Variants in RTL1 observed in about 807,000 individuals in gnomAD.
RTL1 encodes the protein retrotransposon Gag like 1, also known as retrotransposon-like protein 1.
For synonymous variants in RTL1, 727 were observed against 748.4 expected (o/e 0.97, Z 0.47); for missense variants, 1,681 against 1,767.5 (o/e 0.95, Z 0.88).
Position 100,881,459 on chromosome 14 carries a change from T to C in RTL1, c.3330A>G (p.Ala1110=), listed in dbSNP as rs761268223. The change falls in exon 4 of 4, where the codon GCA becomes GCG. Residue 1110 remains alanine (A), a synonymous_variant. Transcript: ENST00000649591. This position sits in a 1 kb window ranked among gnomAD's most constrained non-coding sequence, Gnocchi z 6.6. The part of the protein sequence containing the change: ...RVRQCLSLRP[A]PAMRVARPQP... ...GGGGCCGAGCCACCCGCATGGCGGG[T>C]GCCGGCCGCAGCGAGAGGCATTGCC... is the stretch of plus-strand genomic sequence containing the variant. The C allele has an allele frequency of 6.5e-7, 1 of 1,549,484 alleles. No homozygotes were observed. The highest frequency in any genetic ancestry group is 1.4e-5 in the African/African-American group (1 of 72,916).
chr14:100,881,083 G>T lies in RTL1; in HGVS notation c.3706C>A (p.Leu1236Met). Residue 1236 changes from leucine (L) to methionine (M), a missense_variant, in exon 4 of 4, where the codon CTG becomes ATG. Coordinates refer to ENST00000649591, the MANE Select transcript of RTL1 (RefSeq NM_001134888.3). The surrounding 1 kb of genome is among the most constrained non-coding windows in gnomAD (Gnocchi z 6.6). ...CGGTAACGTTGCAGGTCGTCTTGCA[G>T]GGCTTCTCGCAAGACGACATCCTCA... is the stretch of plus-strand genomic sequence containing the variant. ...GDEDVVLREA[L>M]QDDLQRYRQC... 1 of 1,599,282 alleles carries T rather than the reference G, an allele frequency of 6.3e-7. No homozygotes were observed. The highest frequency in any genetic ancestry group is 8.5e-7 in the Non-Finnish European group (1 of 1,173,118).
In RTL1 at chr14:100,893,570, C is replaced by T. The variant is rs1178904976; in HGVS notation, c.-148-65G>A. Among the ~76,000 whole-genome samples, 3 of 152,220 alleles carry T rather than the reference C, an allele frequency of 2.0e-5. No homozygotes were observed. Among genetic ancestry groups the T allele is most frequent in the African/African-American group, 7.2e-5 (3 of 41,458 alleles). On this transcript the variant is annotated intron_variant, in intron 2 of 3. Transcript: ENST00000649591. The surrounding 1 kb of genome is among the most constrained non-coding windows in gnomAD (Gnocchi z 4.2). ...AAGTCCAGTCTTTTTGACATGCGTACATTTTCTACAGTAGCAACCACAGTG... is the reference window on the plus strand; with the variant it reads ...AAGTCCAGTCTTTTTGACATGCGTATATTTTCTACAGTAGCAACCACAGTG...
chr14:100,885,800 T>C (rs921155434), intron 3 of RTL1, among the ~76,000 whole-genome samples: 4 of 152,184 alleles, frequency 2.6e-5, no homozygotes, highest in Non-Finnish European at 4.4e-5. Flanking sequence ...CAAGCATATC[T>C]GCACGCCTCT....
At position 100,892,957 on chromosome 14, in the gene RTL1, C is replaced by T. The variant is rs1013888856; in HGVS notation, c.-87+487G>A. Among the ~76,000 whole-genome samples, 8 of 152,164 alleles carry T rather than the reference C, an allele frequency of 5.3e-5. No individual in the cohort carries two copies. In the South Asian group the frequency reaches 1.0e-3, roughly 20 times the overall value. On this transcript the variant is annotated intron_variant, in intron 3 of 3. Coordinates refer to ENST00000649591, the MANE Select transcript of RTL1 (RefSeq NM_001134888.3). The stretch of plus-strand genomic sequence containing the variant: ...GGGCGAGGTGCTGGCACAAGGCCCC[C>T]GAGAGACAGAGGCAGGGTTTAAAGC...
rs1401226571 is a variant in RTL1 at position 100,882,437 on chromosome 14, G to T, written c.2352C>A (p.Pro784=). 6.4e-7 allele frequency: 1 copy of T among 1,551,942 alleles called. No homozygotes were observed. Among genetic ancestry groups the T allele is most frequent in the East Asian group, 2.4e-5 (1 of 40,924 alleles). The change falls in exon 4 of 4, where the codon CCC becomes CCA. Residue 784 remains proline (P), a synonymous_variant. Coordinates refer to ENST00000649591, the MANE Select transcript of RTL1 (RefSeq NM_001134888.3). ...CGTTCTTGTTCAGTTTCACCCCTTT[G>T]GGGGTGACGACGAAGCCCAGGAATT... ...TVEFLGFVVT[P]KGVKLNKNVM...
chr14:100,883,016 C>T lies in RTL1; in HGVS notation c.1773G>A (p.Glu591=). The T allele has an allele frequency of 1.2e-6, 2 of 1,614,172 alleles. No homozygotes were observed. The highest frequency in any genetic ancestry group is 1.7e-6 in the Non-Finnish European group (2 of 1,180,042). ...SDGSDDLSES[E]PSELQQAGDS... ...CTCCAGCCTGCTGAAGCTCAGAGGG[C>T]TCTGATTCAGAAAGATCATCGGATC... Residue 591 remains glutamate, a synonymous_variant, in exon 4 of 4, where the codon GAG becomes GAA. Transcript: ENST00000649591. The surrounding 1 kb of genome is among the most constrained non-coding windows in gnomAD (Gnocchi z 5.9).
At chr14:100,892,715 C>T (rs899402779) in intron 3 of RTL1, among the ~76,000 whole-genome samples, 2 of 152,136 alleles carry the variant, frequency 1.3e-5, no homozygotes, top group East Asian at 3.9e-4. Context: ...CCGGGAGGGG[C>T]AGGCTGATGA....
Position 100,883,187 on chromosome 14 carries a change from G to A in RTL1, c.1602C>T (p.Cys534=), listed in dbSNP as rs1241240387. The change falls in exon 4 of 4, where the codon TGC becomes TGT. Residue 534 remains cysteine (C), a synonymous_variant. Transcript: ENST00000649591. This position sits in a 1 kb window ranked among gnomAD's most constrained non-coding sequence, Gnocchi z 5.9. ...TFHSPYCLKN[C]FRPPPPCIAL... is the part of the protein sequence containing the mutation. ...CAATGCATGGCGGGGGCGGGCGGAAGCAGTTCTTCAGGCAGTAGGGAGAGT... is the reference window on the plus strand; with the variant it reads ...CAATGCATGGCGGGGGCGGGCGGAAACAGTTCTTCAGGCAGTAGGGAGAGT... 6.4e-7 allele frequency: 1 copy of A among 1,568,838 alleles called. No individual in the cohort carries two copies. The highest frequency in any genetic ancestry group is 1.2e-5 in the South Asian group (1 of 86,614).
chr14:100,900,656 C>T (rs1301485197), intron 2 of RTL1, among the ~76,000 whole-genome samples: 1 of 152,204 alleles, frequency 6.6e-6, no homozygotes. Flanking sequence ...CCTGTGGCGT[C>T]TGCCTCTAAA....
chr14:100,900,266 GA>G (rs1566761928), intron 2 of RTL1, among the ~76,000 whole-genome samples: 1 of 152,218 alleles, frequency 6.6e-6, no homozygotes, highest in Non-Finnish European at 1.5e-5. Context: ...AAATTTCACA[GA>G]AAATTCTCCC....
Position 100,880,867 on chromosome 14 carries a change from G to A in RTL1, c.3922C>T (p.Leu1308=). 1 of 1,550,330 alleles carries A rather than the reference G, an allele frequency of 6.5e-7. No individual in the cohort carries two copies. Among genetic ancestry groups the A allele is most frequent in the South Asian group, 1.2e-5 (1 of 84,024 alleles). Residue 1308 remains leucine (L), a synonymous_variant, in exon 4 of 4, where the codon CTG becomes TTG. Coordinates refer to ENST00000649591, the MANE Select transcript of RTL1 (RefSeq NM_001134888.3). The part of the protein sequence containing the change: ...HIHSADGQLH[L]LSREQAARAL... ...CTGGCTGCCTGCTCCCGGCTGAGCA[G>A]GTGCAGCTGGCCATCTGCACTGTGG...
intron 3 of RTL1, among the ~76,000 whole-genome samples, chr14:100,892,678 G>A (rs2038797524): frequency 6.6e-6 from 1 of 152,166 alleles, no homozygotes; most frequent in Non-Finnish European, 1.5e-5. Flanking sequence ...CGACAATGGT[G>A]CACAGACCCA....
intron 2 of RTL1, among the ~76,000 whole-genome samples, chr14:100,896,727 T>A (rs2038861471): frequency 6.6e-6 from 1 of 152,086 alleles, no homozygotes; most frequent in Non-Finnish European, 1.5e-5. Flanking sequence ...TTAGCCACAG[T>A]CCCTCTGGGT....
Position 100,882,946 on chromosome 14 carries a change from G to A in RTL1, c.1843C>T (p.Pro615Ser). The A allele has an allele frequency of 6.2e-7, 1 of 1,613,352 alleles. No individual in the cohort carries two copies. Among genetic ancestry groups the A allele is most frequent in the South Asian group, 1.1e-5 (1 of 90,788 alleles). Reference protein sequence around the residue: ...ETFYECPSTAPWEPVGARMQE... With the variant: ...ETFYECPSTASWEPVGARMQE... ...ATCCTGGCACCCACAGGTTCCCAAG[G>A]CGCGGTGGAGGGACACTCGTAAAAG... Residue 615 changes from proline to serine, a missense_variant, in exon 4 of 4, where the codon CCT becomes TCT. Pro to Ser is a moderately conservative substitution (Grantham distance 74, BLOSUM62 -1). Transcript: ENST00000649591.
chr14:100,883,724 C>T lies in RTL1; in HGVS notation c.1065G>A (p.Leu355=). Residue 355 remains leucine, a synonymous_variant, in exon 4 of 4, where the codon CTG becomes CTA. Transcript: ENST00000649591. This position sits in a 1 kb window ranked among gnomAD's most constrained non-coding sequence, Gnocchi z 5.9. ...DSLDSLIVLI[L]QIEEKLAERR... Reference sequence around the variant, plus strand: ...TCTCTGCCAGCTTCTCTTCTATTTGCAGGATGAGCACAATCAGACTGTCTA... The same window carrying T: ...TCTCTGCCAGCTTCTCTTCTATTTGTAGGATGAGCACAATCAGACTGTCTA... The T allele has an allele frequency of 2.6e-6, 4 of 1,551,650 alleles. No homozygotes were observed. The highest frequency in any genetic ancestry group is 3.5e-6 in the Non-Finnish European group (4 of 1,146,998).
chr14:100,884,667 A>G lies in RTL1; in HGVS notation c.122T>C (p.Val41Ala), dbSNP rs771110025. 1.9e-6 allele frequency: 3 copies of G among 1,608,656 alleles called. No homozygotes were observed. The South Asian group carries it at 3.3e-5, about 18-fold the overall frequency. Residue 41 changes from valine (V) to alanine (A), a missense_variant, in exon 4 of 4, where the codon GTG becomes GCG. By Grantham distance (64) the Val-to-Ala change is moderately conservative (BLOSUM62 0). Transcript: ENST00000649591. ...NTTEATSGSG[V>A]RGEAGPASGP... ...GCTGGCTGGCCCTGCCTCTCCCCGCACTCCACTGCCCGACGTCGCCTCGGT... is the reference window on the plus strand; with the variant it reads ...GCTGGCTGGCCCTGCCTCTCCCCGCGCTCCACTGCCCGACGTCGCCTCGGT...
At chr14:100,888,097 A>G (rs190137825) in intron 3 of RTL1, among the ~76,000 whole-genome samples, 1 of 152,296 alleles carries the variant, frequency 6.6e-6, no homozygotes, top group East Asian at 1.9e-4. Context: ...AAAACGCTTT[A>G]CTGGCTGACA....
chr14:100,884,745 T>G lies in RTL1; in HGVS notation c.44A>C (p.His15Pro), dbSNP rs757149750. Residue 15 changes from histidine to proline, a missense_variant, in exon 4 of 4, where the codon CAT becomes CCT. Coordinates refer to ENST00000649591, the MANE Select transcript of RTL1 (RefSeq NM_001134888.3). ...SEDSFETMMEHKNPSSKQMES... is the reference protein window; with the variant it reads ...SEDSFETMMEPKNPSSKQMES... ...CATTTGTTTTGATGATGGATTCTTA[T>G]GCTCCATCATCGTCTCAAATGAGTC... 1 of 1,602,422 alleles carries G rather than the reference T, an allele frequency of 6.2e-7. No individual in the cohort carries two copies. The highest frequency in any genetic ancestry group is 8.5e-7 in the Non-Finnish European group (1 of 1,175,640).
chr14:100,890,480 G>C (rs1400512369), intron 3 of RTL1, among the ~76,000 whole-genome samples: 1 of 151,298 alleles, frequency 6.6e-6, no homozygotes, highest in Non-Finnish European at 1.5e-5. Flanking sequence ...TTAGGGGAGA[G>C]GTGAGGACAG....
Sources: allele counts gnomAD v4.1 joint callset (sites outside exome capture counted in the v4.1 genomes callset), GRCh38; gene constraint gnomAD v4.1.1; non-coding constraint Gnocchi (gnomAD v3.1); transcripts MANE v1.5; gene names NCBI Gene and HGNC (gene_info 2026-07-23, HGNC 2026-07-21).